PABPC4L: variants seen among roughly 807,000 people sequenced by gnomAD.
The protein encoded by PABPC4L is poly(A) binding protein cytoplasmic 4 like, also known as polyadenylate-binding protein 4-like.
For missense variants in PABPC4L, 452 were observed against 451.4 expected (o/e 1.00, Z -0.01); for synonymous variants, 169 against 164.1 (o/e 1.03, Z -0.23).
At chr4:134,164,460 C>T in the PABPC4L span, among the ~76,000 whole-genome samples, 695 of 151,976 alleles carry the variant, frequency 4.6e-3, 9 homozygotes, top group African/African-American at 0.016. Flanking sequence ...GTATACAAAT[C>T]GGTAGCACTG....
At chr4:134,018,957 A>G in the PABPC4L span, among the ~76,000 whole-genome samples, 1 of 152,086 alleles carries the variant, frequency 6.6e-6, no homozygotes, top group Non-Finnish European at 1.5e-5. Flanking sequence ...CTCACTCCTG[A>G]CATTTTTTGT....
chr4:134,005,936 A>G, the PABPC4L span, among the ~76,000 whole-genome samples: 2 of 151,880 alleles, frequency 1.3e-5, no homozygotes, highest in African/African-American at 4.8e-5. Flanking sequence ...AAACATAGTG[A>G]GTTGAAACAG....
At chr4:134,020,335 A>C in the PABPC4L span, among the ~76,000 whole-genome samples, 1 of 152,240 alleles carries the variant, frequency 6.6e-6, no homozygotes, top group South Asian at 2.1e-4. Flanking sequence ...CTCTGCTACA[A>C]GGGTTTGTGA....
the PABPC4L span, among the ~76,000 whole-genome samples, chr4:134,031,606 A>C: frequency 6.6e-6 from 1 of 151,980 alleles, no homozygotes; most frequent in Non-Finnish European, 1.5e-5. Flanking sequence ...AAGATGATGC[A>C]GAAATGCATG....
the PABPC4L span, among the ~76,000 whole-genome samples, chr4:134,134,196 A>C: frequency 6.6e-6 from 1 of 152,058 alleles, no homozygotes; most frequent in Non-Finnish European, 1.5e-5. Context: ...AGTTCTAACT[A>C]TCCAGGTAAC....
the PABPC4L span, among the ~76,000 whole-genome samples, chr4:134,086,539 AC>A: frequency 6.6e-6 from 1 of 151,938 alleles, no homozygotes; most frequent in East Asian, 1.9e-4. Context: ...AAGAAGTGGA[AC>A]CCTCTTTTTC....
chr4:134,094,496 T>A, the PABPC4L span, among the ~76,000 whole-genome samples: 1 of 151,970 alleles, frequency 6.6e-6, no homozygotes, highest in Non-Finnish European at 1.5e-5. Context: ...ATTGAAAGTA[T>A]AGAACACTTC....
the PABPC4L span, among the ~76,000 whole-genome samples, chr4:134,068,408 G>C: frequency 2.0e-5 from 3 of 152,048 alleles, no homozygotes. Flanking sequence ...TGAGCCTGTT[G>C]GTGTCGTTGC....
At chr4:134,186,452 T>C in the PABPC4L span, among the ~76,000 whole-genome samples, 1 of 152,182 alleles carries the variant, frequency 6.6e-6, no homozygotes, top group Non-Finnish European at 1.5e-5. Flanking sequence ...AAAGATTCCC[T>C]ATTTAATAAA....
chr4:134,036,617 C>T, the PABPC4L span, among the ~76,000 whole-genome samples: 12 of 152,154 alleles, frequency 7.9e-5, no homozygotes, highest in East Asian at 1.9e-4. Flanking sequence ...TACCAACAAA[C>T]GACTTTGTGA....
chr4:133,991,931 G>A, the PABPC4L span, among the ~76,000 whole-genome samples: 1 of 152,226 alleles, frequency 6.6e-6, no homozygotes, highest in South Asian at 2.1e-4. Flanking sequence ...GAAAACATAT[G>A]AATGGGTAGT....
chr4:134,003,795 G>A, the PABPC4L span, among the ~76,000 whole-genome samples: 7 of 151,828 alleles, frequency 4.6e-5, no homozygotes, highest in Admixed American at 3.3e-4. Flanking sequence ...GAAGCAAAAC[G>A]CATGCAGAGA....
chr4:134,082,918 A>G, the PABPC4L span, among the ~76,000 whole-genome samples: 22 of 152,240 alleles, frequency 1.4e-4, no homozygotes, highest in East Asian at 4.1e-3. Context: ...TGAGACTGTG[A>G]GTGTGATCTA....
the PABPC4L span, among the ~76,000 whole-genome samples, chr4:133,965,466 A>G: frequency 6.6e-6 from 1 of 151,992 alleles, no homozygotes; most frequent in Non-Finnish European, 1.5e-5. Flanking sequence ...AGAAAAAAAA[A>G]TCTAAAATTC....
At chr4:134,046,166 T>C in the PABPC4L span, among the ~76,000 whole-genome samples, 827 of 152,142 alleles carry the variant, frequency 5.4e-3, 6 homozygotes, top group Middle Eastern at 0.027. Context: ...CAGAATTTAT[T>C]GATTACTATT....
chr4:133,971,892 A>C, the PABPC4L span, among the ~76,000 whole-genome samples: 1 of 152,304 alleles, frequency 6.6e-6, no homozygotes, highest in African/African-American at 2.4e-5. Context: ...TAAACTGGGT[A>C]AAATATTCTT....
the PABPC4L span, among the ~76,000 whole-genome samples, chr4:133,977,761 A>G: frequency 6.6e-6 from 1 of 152,346 alleles, no homozygotes; most frequent in Admixed American, 6.5e-5. Context: ...AGACTACTAC[A>G]AAATCAACCC....
chr4:134,050,568 G>T, the PABPC4L span, among the ~76,000 whole-genome samples: 1 of 151,994 alleles, frequency 6.6e-6, no homozygotes, highest in African/African-American at 2.4e-5. Flanking sequence ...TGCCAGGTAT[G>T]GTAGCAGGCG....
the PABPC4L span, among the ~76,000 whole-genome samples, chr4:134,184,746 A>C: frequency 7.2e-5 from 11 of 152,192 alleles, no homozygotes; most frequent in African/African-American, 2.6e-4. Context: ...AAATATGTTT[A>C]GTTATGGAAT....
Sources: allele counts gnomAD v4.1 joint callset (sites outside exome capture counted in the v4.1 genomes callset), GRCh38; gene constraint gnomAD v4.1.1; transcripts MANE v1.5; gene names NCBI Gene and HGNC (gene_info 2026-07-23, HGNC 2026-07-21).